Variants in AKAP7 observed in about 807,000 individuals in gnomAD.
AKAP7 encodes A-kinase anchoring protein 7, also known as A kinase (PRKA) anchor protein 7.
AKAP7 carries 39 observed loss-of-function variants against 39.5 expected under a neutral mutation model. That is an observed-to-expected ratio of 0.99 (90% CI 0.76 to 1.29). The LOEUF is 1.29. Among genes scored for constraint, AKAP7 ranks in the 50% most tolerant of loss-of-function variants. AKAP7 has a pLI of 0.00. For missense variants in AKAP7, 414 were observed against 407.7 expected (o/e 1.02, Z -0.13); for synonymous variants, 140 against 139.1 (o/e 1.01, Z -0.05).
upstream of AKAP7, among the ~76,000 whole-genome samples, chr6:131,131,834 C>T (rs1342368533): frequency 6.6e-6 from 1 of 152,058 alleles, no homozygotes; most frequent in East Asian, 1.9e-4. Context: ...TCCCCTGTGA[C>T]AGCAGTAGGA....
chr6:131,224,730 CTTTTTTTTTTTTT>C (rs779047229), intron 7 of AKAP7, among the ~76,000 whole-genome samples: 21 of 55,106 alleles, frequency 3.8e-4, no homozygotes, highest in South Asian at 1.3e-3. Context: ...AGTTGATTCA[CTTTTTTTTTTTTT>C]TTTTTTTTTT....
chr6:131,217,468 T>G (rs1358997840), intron 6 of AKAP7, among the ~76,000 whole-genome samples: 1 of 152,190 alleles, frequency 6.6e-6, no homozygotes, highest in Non-Finnish European at 1.5e-5. Context: ...ATGCAGAGGC[T>G]TAGCTATTTC....
intron 1 of AKAP7, among the ~76,000 whole-genome samples, chr6:131,138,184 T>A (rs1322501439): frequency 6.6e-6 from 1 of 152,198 alleles, no homozygotes; most frequent in Admixed American, 6.5e-5. Context: ...AATGTTTTAA[T>A]TTTAGTTCCC....
At chr6:131,246,056 A>T (rs9483238) in intron 7 of AKAP7, among the ~76,000 whole-genome samples, 43,658 of 150,682 alleles carry the variant, frequency 0.29, 6,778 homozygotes, top group Middle Eastern at 0.4. Flanking sequence ...GCTTTTTATT[A>T]TGACTCAGAC....
At chr6:131,222,553 G>A (rs965663060) in intron 7 of AKAP7, among the ~76,000 whole-genome samples, 2 of 151,936 alleles carry the variant, frequency 1.3e-5, no homozygotes, top group African/African-American at 4.8e-5. Context: ...AAAAGAAATA[G>A]CAAGAGAACT....
intron 7 of AKAP7, among the ~76,000 whole-genome samples, chr6:131,253,852 C>T (rs1812643611): frequency 6.6e-6 from 1 of 151,798 alleles, no homozygotes; most frequent in Non-Finnish European, 1.5e-5. Context: ...ATATATATAC[C>T]ACATTTTCAT....
chr6:131,221,017 C>G (rs1409431373), intron 7 of AKAP7, among the ~76,000 whole-genome samples: 1 of 151,994 alleles, frequency 6.6e-6, no homozygotes, highest in South Asian at 2.1e-4. Flanking sequence ...AAAAAAAAAG[C>G]TAGAAATGAT....
intron 2 of AKAP7, among the ~76,000 whole-genome samples, chr6:131,155,439 A>G (rs1329107274): frequency 1.3e-5 from 2 of 152,248 alleles, no homozygotes; most frequent in South Asian, 2.1e-4. Context: ...AGTATCTATT[A>G]TTAAAGTTCC....
intron 7 of AKAP7, among the ~76,000 whole-genome samples, chr6:131,240,889 C>T (rs577781983): frequency 3.3e-4 from 51 of 152,302 alleles, no homozygotes; most frequent in African/African-American, 8.4e-4. Flanking sequence ...CTTCAGCTCA[C>T]GCTCAGTGCC....
chr6:131,190,459 A>T (rs1806296844), intron 5 of AKAP7, among the ~76,000 whole-genome samples: 2 of 152,058 alleles, frequency 1.3e-5, no homozygotes, highest in South Asian at 4.2e-4. Context: ...ATTGGCCAAC[A>T]TGACAAAACC....
At chr6:131,145,209 G>A (rs1584939300) in intron 1 of AKAP7, 76 bp from the exon 2 acceptor site, 4 of 1,038,496 alleles carry the variant, frequency 3.9e-6, no homozygotes, top group Non-Finnish European at 5.1e-6. Context: ...AGTGAGCTGA[G>A]TTATTTTCAT....
upstream of AKAP7, among the ~76,000 whole-genome samples, chr6:131,133,709 G>C (rs1241132125): frequency 6.6e-6 from 1 of 152,184 alleles, no homozygotes; most frequent in Non-Finnish European, 1.5e-5. Context: ...AAATTAAATT[G>C]ACAAAAGACA....
intron 7 of AKAP7, among the ~76,000 whole-genome samples, chr6:131,235,934 T>G (rs1350295094): frequency 6.6e-6 from 1 of 152,250 alleles, no homozygotes; most frequent in Non-Finnish European, 1.5e-5. Context: ...CAATTTTGGC[T>G]TTTGTTGCCA....
intron 6 of AKAP7, among the ~76,000 whole-genome samples, chr6:131,217,803 G>A (rs768436706): frequency 3.8e-4 from 58 of 152,120 alleles, no homozygotes; most frequent in Non-Finnish European, 5.7e-4. Flanking sequence ...GTGGCTAGTC[G>A]GTGCTGCACT....
chr6:131,214,628 A>G (rs369814398), intron 6 of AKAP7, among the ~76,000 whole-genome samples: 1 of 152,206 alleles, frequency 6.6e-6, no homozygotes. Flanking sequence ...AGTAGCATCT[A>G]TGAATTCTTT....
chr6:131,174,561 C>G (rs2128248940), intron 5 of AKAP7, among the ~76,000 whole-genome samples: 1 of 152,348 alleles, frequency 6.6e-6, no homozygotes, highest in East Asian at 1.9e-4. Context: ...CCACTACACT[C>G]TAGCCTGGGC....
chr6:131,149,909 T>G (rs572023574), intron 2 of AKAP7, among the ~76,000 whole-genome samples: 1 of 152,324 alleles, frequency 6.6e-6, no homozygotes, highest in Admixed American at 6.5e-5. Context: ...CTTCCCACAG[T>G]GTGACTTTGT....
chr6:131,203,053 T>A (rs757127429), intron 6 of AKAP7, among the ~76,000 whole-genome samples: 38 of 152,160 alleles, frequency 2.5e-4, no homozygotes, highest in Non-Finnish European at 4.9e-4. Flanking sequence ...ATACAGATGA[T>A]CTGCAGAGGA....
At chr6:131,211,623 A>C (rs1447749901) in intron 6 of AKAP7, among the ~76,000 whole-genome samples, 2 of 151,676 alleles carry the variant, frequency 1.3e-5, no homozygotes, top group African/African-American at 4.8e-5. Flanking sequence ...AATGCAAAAA[A>C]TTAGCCAGGT....
Sources: gnomAD v4.1 joint callset for allele counts (sites outside exome capture counted in the v4.1 genomes callset) on GRCh38, gnomAD v4.1.1 for gene constraint, MANE v1.5 for transcripts, NCBI Gene and HGNC (gene_info 2026-07-23, HGNC 2026-07-21) for gene names.